IL13RA2: variants seen among roughly 807,000 people sequenced by gnomAD.
IL13RA2 encodes the protein interleukin-13 receptor subunit alpha-2.
A neutral mutation model predicts 34.1 loss-of-function variants in IL13RA2; 25 were observed. The observed-to-expected ratio is 0.73, with a 90% confidence interval of 0.53 to 1.03. The LOEUF (loss-of-function observed/expected upper bound fraction) is 1.03, where lower values mean the gene tolerates loss of function less well. Among genes scored for constraint, IL13RA2 ranks in the 50% least tolerant of loss-of-function variants. IL13RA2 has a pLI of 0.00. For missense variants in IL13RA2, 297 were observed against 280.9 expected (o/e 1.06, Z -0.41); for synonymous variants, 106 against 100.4 (o/e 1.06, Z -0.33).
rs781949508 is a variant in IL13RA2, at chrX:115,005,730, G to A, written c.998-415C>T. Among the ~76,000 whole-genome samples, 4 of 112,145 alleles carry A rather than the reference G, an allele frequency of 3.6e-5. No homozygotes were observed. In the South Asian group the frequency reaches 1.5e-3, roughly 42 times the overall value. On this transcript the variant is annotated intron_variant, in intron 8 of 9. Transcript: ENST00000243213. ...CTTAGATCATAGGATACTGTACCAA[G>A]CAAGAGGTATCCTTCAATAAAAATT...
chrX:115,009,417 T>G, intron 7 of IL13RA2, 104 bp downstream of exon 7: 1 of 597,258 alleles, frequency 1.7e-6, no homozygotes. Flanking sequence ...ATATATGTCA[T>G]GTTCTGTCCC....
At chrX:115,010,945 A>G (rs2071703797) in intron 5 of IL13RA2, 117 bp from the exon 6 acceptor site, 1 of 359,652 alleles carries the variant, frequency 2.8e-6, no homozygotes, top group African/African-American at 2.7e-5. Context: ...TTAATAATGT[A>G]CAATATTTAT....
At chrX:115,013,177 G>C (rs2071713088) in intron 5 of IL13RA2, among the ~76,000 whole-genome samples, 1 of 110,859 alleles carries the variant, frequency 9.0e-6, no homozygotes, top group African/African-American at 3.3e-5. Context: ...GAAGGGGAGA[G>C]ATTGGGAGCA....
Position 115,004,072 on chromosome X carries a change from G to A in IL13RA2, c.*8C>T. On this transcript the variant is annotated 3_prime_UTR_variant, in exon 10 of 10. Coordinates refer to ENST00000243213, the MANE Select transcript of IL13RA2 (RefSeq NM_000640.3). ...AGTCAATACCATGTCTCTTGATATG[G>A]AAAGTCTTCATGTATCACAGAAAAA... The A allele has an allele frequency of 9.6e-7, 1 of 1,042,491 alleles. No homozygotes were observed. The highest frequency in any genetic ancestry group is 1.3e-6 in the Non-Finnish European group (1 of 747,173). 85.9% of individuals were successfully genotyped at this position (1,042,491 alleles called of 1,213,427 possible).
intron 2 of IL13RA2, among the ~76,000 whole-genome samples, chrX:115,016,174 G>A (rs923708875): frequency 6.3e-5 from 7 of 111,595 alleles, no homozygotes; most frequent in African/African-American, 2.0e-4. Context: ...ACTGCTTAAT[G>A]GGTTTAGGGG....
intron 8 of IL13RA2, among the ~76,000 whole-genome samples, chrX:115,007,456 T>C (rs782550958): frequency 8.9e-6 from 1 of 112,337 alleles, no homozygotes; most frequent in East Asian, 2.8e-4. Flanking sequence ...TAAATGACTT[T>C]ATCACAAATC....
intron 2 of IL13RA2, among the ~76,000 whole-genome samples, chrX:115,016,160 G>A (rs1602977992): frequency 9.0e-6 from 1 of 111,386 alleles, no homozygotes. Flanking sequence ...AACAATGCAG[G>A]GTGACTGCTT....
At position 115,003,984 on chromosome X, in the gene IL13RA2, C is replaced by A; in HGVS notation, c.*96G>T. The stretch of plus-strand genomic sequence containing the variant: ...TTAAAAATAAGACGTATTCAACATT[C>A]GCAAGAAAAATTCAGTTTATTGAGA... On this transcript the variant is annotated 3_prime_UTR_variant, in exon 10 of 10. Transcript: ENST00000243213. 1.9e-6 allele frequency: 1 copy of A among 525,377 alleles called. No individual in the cohort carries two copies. Among genetic ancestry groups the A allele is most frequent in the South Asian group, 2.9e-5 (1 of 33,978 alleles). 43.3% of individuals were successfully genotyped at this position (525,377 alleles called of 1,213,427 possible).
chrX:115,005,353 A>C, intron 8 of IL13RA2, 38 bp from the exon 9 acceptor site: 1 of 643,476 alleles, frequency 1.6e-6, no homozygotes. Context: ...GAAGTGTTAG[A>C]CATTTGCCAC....
chrX:115,012,523 C>T (rs958450213), intron 5 of IL13RA2, among the ~76,000 whole-genome samples: 2 of 111,720 alleles, frequency 1.8e-5, no homozygotes, highest in Non-Finnish European at 3.8e-5. Context: ...TCAGCGCTTT[C>T]GGAGGCTGAG....
intron 8 of IL13RA2, among the ~76,000 whole-genome samples, chrX:115,005,581 A>T (rs2071682326): frequency 8.9e-6 from 1 of 112,049 alleles, no homozygotes. Context: ...TTATTTCCTG[A>T]TATGAGTTTG....
chrX:115,016,070 T>G (rs1377192669), intron 2 of IL13RA2, among the ~76,000 whole-genome samples: 9 of 111,655 alleles, frequency 8.1e-5, no homozygotes, highest in Admixed American at 7.7e-4. Context: ...TTGACATAGT[T>G]CCATTTCTAT....
At chrX:115,015,177 A>G (rs1176425465) in intron 3 of IL13RA2, among the ~76,000 whole-genome samples, 1 of 112,009 alleles carries the variant, frequency 8.9e-6, no homozygotes, top group African/African-American at 3.2e-5. Context: ...TTGAATATAC[A>G]TGCTTGTTGA....
chrX:115,014,713 A>ATT (rs1476409012), intron 3 of IL13RA2, 139 bp from the exon 4 acceptor site: 1 of 339,316 alleles, frequency 2.9e-6, no homozygotes, highest in East Asian at 4.1e-5. Flanking sequence ...ATTTGATACA[A>ATT]TGCCACAGAT....
At chrX:115,008,469 G>A (rs1016381461) in intron 7 of IL13RA2, among the ~76,000 whole-genome samples, 1 of 111,651 alleles carries the variant, frequency 9.0e-6, no homozygotes, top group Non-Finnish European at 1.9e-5. Flanking sequence ...GCATGTGAAT[G>A]TTATTACTAT....
chrX:115,012,000 A>T (rs6644157), intron 5 of IL13RA2, among the ~76,000 whole-genome samples: 4,309 of 112,165 alleles, frequency 0.038, 79 homozygotes, highest in South Asian at 0.083. Context: ...AAATTTACCT[A>T]TCCAATTCCA....
intron 8 of IL13RA2, among the ~76,000 whole-genome samples, chrX:115,006,865 T>A (rs1389169257): frequency 8.9e-6 from 1 of 111,779 alleles, no homozygotes; most frequent in Non-Finnish European, 1.9e-5. Context: ...AACTTTAGAG[T>A]TTCCTGATTT....
At chrX:115,012,938 C>T (rs1420423332) in intron 5 of IL13RA2, among the ~76,000 whole-genome samples, 1 of 110,735 alleles carries the variant, frequency 9.0e-6, no homozygotes, top group Non-Finnish European at 1.9e-5. Flanking sequence ...GTAATGCAAA[C>T]AAAGGTATAA....
intron 5 of IL13RA2, among the ~76,000 whole-genome samples, chrX:115,012,799 G>A (rs2147587648): frequency 9.0e-6 from 1 of 110,525 alleles, no homozygotes; most frequent in African/African-American, 3.3e-5. Flanking sequence ...CAAAGTAATA[G>A]CTCAAGAAAA....
Sources: gnomAD v4.1 joint callset for allele counts (sites outside exome capture counted in the v4.1 genomes callset) on GRCh38, gnomAD v4.1.1 for gene constraint, MANE v1.5 for transcripts, NCBI Gene and HGNC (gene_info 2026-07-23, HGNC 2026-07-21) for gene names.